BRINP1: variants seen among roughly 807,000 people sequenced by gnomAD.
The protein encoded by BRINP1 is BMP/retinoic acid inducible neural specific 1.
Under a neutral mutation model 72.9 loss-of-function variants are expected in BRINP1, and 17 were observed. The observed-to-expected ratio is 0.23, with a 90% confidence interval of 0.16 to 0.35. BRINP1 has a LOEUF of 0.35. Among genes scored for constraint, BRINP1 ranks in the 10% least tolerant of loss-of-function variants. The pLI is 1.00. For synonymous variants in BRINP1, 418 were observed against 378.5 expected, an observed-to-expected ratio of 1.10 and a Z score of -1.21; for missense variants, 850 against 1,001.6, an observed-to-expected ratio of 0.85 and a Z score of 2.04.
chr9:119,243,876 G>A (rs1243410714), intron 3 of BRINP1, among the ~76,000 whole-genome samples: 1 of 152,122 alleles, frequency 6.6e-6, no homozygotes, highest in African/African-American at 2.4e-5. Flanking sequence ...GAATAGCCAA[G>A]GTAAGGGAGT....
At chr9:119,267,733 A>G (rs1269290302) in intron 2 of BRINP1, among the ~76,000 whole-genome samples, 1 of 152,340 alleles carries the variant, frequency 6.6e-6, no homozygotes, top group East Asian at 1.9e-4. Context: ...GTCTAGATTG[A>G]CAACATAAAT....
intron 1 of BRINP1, among the ~76,000 whole-genome samples, chr9:119,337,130 T>C (rs1258177385): frequency 6.6e-6 from 1 of 152,150 alleles, no homozygotes; most frequent in African/African-American, 2.4e-5. Flanking sequence ...CGGAAAGAGA[T>C]GCTCAATAAA....
At chr9:119,318,082 C>A (rs1260488568) in intron 1 of BRINP1, among the ~76,000 whole-genome samples, 1 of 152,134 alleles carries the variant, frequency 6.6e-6, no homozygotes, top group African/African-American at 2.4e-5. Flanking sequence ...GTTTCTATGT[C>A]TGTCTTGTTC....
chr9:119,326,765 A>T (rs1831245650), intron 1 of BRINP1, among the ~76,000 whole-genome samples: 1 of 152,208 alleles, frequency 6.6e-6, no homozygotes, highest in African/African-American at 2.4e-5. Context: ...AGAATGCGAG[A>T]TGGACATAGA....
chr9:119,180,635 C>T (rs564914536), intron 7 of BRINP1, among the ~76,000 whole-genome samples: 1 of 152,174 alleles, frequency 6.6e-6, no homozygotes, highest in East Asian at 1.9e-4. Context: ...TTATAACTGG[C>T]CATCAGACTC....
At chr9:119,245,586 A>C (rs1173342776) in intron 3 of BRINP1, among the ~76,000 whole-genome samples, 2 of 152,182 alleles carry the variant, frequency 1.3e-5, no homozygotes, top group Non-Finnish European at 2.9e-5. Flanking sequence ...AGATTTCACC[A>C]AAAATCTGGA....
At chr9:119,339,943 G>A (rs1431894999) in intron 1 of BRINP1, among the ~76,000 whole-genome samples, 2 of 152,034 alleles carry the variant, frequency 1.3e-5, no homozygotes, top group Non-Finnish European at 2.9e-5. Flanking sequence ...CACCCACATG[G>A]ACAGGGTTTG....
In BRINP1 at chr9:119,172,930, C is replaced by A. The variant is rs1281321122; in HGVS notation, c.1146-4706G>T. ...GAAAAAGCCTTTGACAAAATTCAAC[C>A]ACCCTTCATGCTAAAAACTCTCAAT... On this transcript the variant is annotated intron_variant, in intron 7 of 7. Coordinates refer to ENST00000265922, the MANE Select transcript of BRINP1 (RefSeq NM_014618.3). Among the ~76,000 whole-genome samples the A allele has an allele frequency of 1.6e-3, 234 of 150,488 alleles. 1 individual carries two copies. Among genetic ancestry groups the A allele is most frequent in the African/African-American group, 5.2e-3 (208 of 40,158 alleles).
At chr9:119,287,626 T>C (rs1830776142) in intron 2 of BRINP1, among the ~76,000 whole-genome samples, 1 of 152,178 alleles carries the variant, frequency 6.6e-6, no homozygotes, top group Non-Finnish European at 1.5e-5. Context: ...TTCAGGTTCA[T>C]GGAAGTAACA....
At chr9:119,185,128 T>G (rs1219358969) in intron 7 of BRINP1, among the ~76,000 whole-genome samples, 1 of 152,116 alleles carries the variant, frequency 6.6e-6, no homozygotes, top group African/African-American at 2.4e-5. Flanking sequence ...GAATGCACAT[T>G]GGGGATTATA....
chr9:119,182,426 T>C (rs1381962180), intron 7 of BRINP1, among the ~76,000 whole-genome samples: 1 of 152,268 alleles, frequency 6.6e-6, no homozygotes, highest in Non-Finnish European at 1.5e-5. Context: ...AGATTGTATG[T>C]ATAAGACATG....
intron 2 of BRINP1, among the ~76,000 whole-genome samples, chr9:119,275,046 A>G (rs1344085246): frequency 6.6e-6 from 1 of 152,210 alleles, no homozygotes; most frequent in African/African-American, 2.4e-5. Flanking sequence ...GTGGTTTGCC[A>G]CAGGTCAATC....
At chr9:119,265,731 T>C (rs1466603304) in intron 2 of BRINP1, among the ~76,000 whole-genome samples, 1 of 152,188 alleles carries the variant, frequency 6.6e-6, no homozygotes, top group Non-Finnish European at 1.5e-5. Flanking sequence ...GTACCTTTTT[T>C]TAAAACATTT....
intron 5 of BRINP1, among the ~76,000 whole-genome samples, chr9:119,225,560 GTAT>G (rs773024023): frequency 6.6e-6 from 1 of 151,822 alleles, no homozygotes; most frequent in Non-Finnish European, 1.5e-5. Flanking sequence ...TTTTATTGTT[GTAT>G]TATTATTATT....
intron 7 of BRINP1, among the ~76,000 whole-genome samples, chr9:119,205,773 C>A (rs182900916): frequency 6.6e-6 from 1 of 152,184 alleles, no homozygotes; most frequent in African/African-American, 2.4e-5. Flanking sequence ...GTCTTTGGGA[C>A]CTTTGGATCT....
chr9:119,245,810 A>G (rs1830310464), intron 3 of BRINP1, among the ~76,000 whole-genome samples: 1 of 152,196 alleles, frequency 6.6e-6, no homozygotes, highest in African/African-American at 2.4e-5. Flanking sequence ...TTTTTTCTCA[A>G]TGAACACAGT....
At chr9:119,327,476 A>T (rs75882721) in intron 1 of BRINP1, among the ~76,000 whole-genome samples, 3,409 of 152,318 alleles carry the variant, frequency 0.022, 145 homozygotes, top group African/African-American at 0.077. Flanking sequence ...GATTCACTCC[A>T]TGGGATCACA....
rs1442420722 is a variant in BRINP1 at position 119,262,467 on chromosome 9, A to G, written c.219-13317T>C. On this transcript the variant is annotated intron_variant, in intron 2 of 7. Coordinates refer to ENST00000265922, the MANE Select transcript of BRINP1 (RefSeq NM_014618.3). ...GCCAATATGGTGAAGCCCTGTCTCT[A>G]CTAAAAATAAAAAAATAAAATAAAA... 2.0e-5 allele frequency among the ~76,000 whole-genome samples: 3 copies of G among 151,664 alleles called. No homozygotes were observed. The East Asian group carries it at 5.8e-4, about 29-fold the overall frequency.
Position 119,332,773 on chromosome 9 carries a change from C to A in BRINP1, c.-50-19368G>T, listed in dbSNP as rs893668803. Among the ~76,000 whole-genome samples the A allele has an allele frequency of 2.0e-5, 3 of 152,282 alleles. No homozygotes were observed. The East Asian group carries it at 5.8e-4, about 29-fold the overall frequency. On this transcript the variant is annotated intron_variant, in intron 1 of 7. Transcript: ENST00000265922. ...GGAGCAAGAGCAGCCCAGCCTAGAT[C>A]AGTGAGCCTGGGTTAGGTCAGCTGG...
Sources: allele counts gnomAD v4.1 joint callset (sites outside exome capture counted in the v4.1 genomes callset), GRCh38; gene constraint gnomAD v4.1.1; transcripts MANE v1.5; gene names NCBI Gene and HGNC (gene_info 2026-07-23, HGNC 2026-07-21).